The following ADGRG1 variants were observed in gnomAD, a reference collection of about 807,000 sequenced individuals.
ADGRG1 encodes 7-transmembrane protein with no EGF-like N-terminal domains-1.
Under a neutral mutation model 73.5 loss-of-function variants are expected in ADGRG1, and 53 were observed. The ratio of observed to expected loss-of-function variants is 0.72; its 90% CI spans 0.58 to 0.91. The LOEUF (loss-of-function observed/expected upper bound fraction) is 0.91, where lower values mean the gene tolerates loss of function less well. Among genes scored for constraint, ADGRG1 ranks in the 40% least tolerant of loss-of-function variants. The pLI is 0.00. For missense variants in ADGRG1, 795 were observed against 871.8 expected (o/e 0.91, Z 1.11); for synonymous variants, 394 against 374.4 (o/e 1.05, Z -0.60).
Position 57,663,537 on chromosome 16 carries a change from C to T in ADGRG1, c.2019C>T (p.Ala673=). ...CTCTGAAGAGCAACTCAGACAGCGC[C>T]AGGCTCCCCATCAGCTCGGGCAGCA... ...PSPLKSNSDS[A]RLPISSGSTS... The change falls in exon 14 of 14, where the codon GCC becomes GCT. Residue 673 remains alanine (A), a synonymous_variant. Coordinates refer to ENST00000562631, the MANE Select transcript of ADGRG1 (RefSeq NM_201525.4). The T allele has an allele frequency of 6.2e-7, 1 of 1,613,938 alleles. No individual in the cohort carries two copies. The highest frequency in any genetic ancestry group is 8.5e-7 in the Non-Finnish European group (1 of 1,179,980).
chr16:57,659,465 G>A lies in ADGRG1; in HGVS notation c.1339G>A (p.Val447Ile), dbSNP rs202092636. 2.6e-5 allele frequency: 42 copies of A among 1,613,782 alleles called. No homozygotes were observed. The highest frequency in any genetic ancestry group is 1.9e-4 in the African/African-American group (14 of 75,034). ...IKVHMNLLLA[V>I]FLLDTSFLLS... ...GGTGCACATGAACCTGCTGCTGGCC[G>A]TCTTCCTGCTGGACACGAGCTTCCT... Residue 447 changes from valine (V) to isoleucine (I), a missense_variant, in exon 11 of 14, where the codon GTC becomes ATC. Transcript: ENST00000562631.
chr16:57,659,431 C>T lies in ADGRG1; in HGVS notation c.1305C>T (p.Tyr435=). 6.2e-7 allele frequency: 1 copy of T among 1,613,876 alleles called. No homozygotes were observed. Among genetic ancestry groups the T allele is most frequent in the Non-Finnish European group, 8.5e-7 (1 of 1,179,980 alleles). Residue 435 remains tyrosine, a synonymous_variant, in exon 11 of 14, where the codon TAC becomes TAT. Transcript: ENST00000562631. ...YLCSRRKPRD[Y]TIKVHMNLLL... ...CGTGCAGGAGGAAACCTCGGGACTA[C>T]ACCATCAAGGTGCACATGAACCTGC...
rs1215919321 is a variant in ADGRG1, at chr16:57,641,149, A to G, written c.-35-9104A>G. 1.5e-5 allele frequency: 12 copies of G among 819,578 alleles called. No individual in the cohort carries two copies. The African/African-American group carries it at 1.9e-4, about 13-fold the overall frequency. The allele number at this position is 819,578 out of a possible 1,614,324, so 50.8% of individuals were successfully genotyped here. A position where few individuals can be genotyped will look rare whatever the true frequency, so the allele number is the denominator to read the frequency against. ...CTGCAGAGAAGGCAGTCAGGGGACA[A>G]ACATCAGAGTTGCCCACTTGACAGA... On this transcript the variant is annotated intron_variant, in intron 1 of 13. Coordinates refer to ENST00000562631, the MANE Select transcript of ADGRG1 (RefSeq NM_201525.4).
chr16:57,651,138 C>A (rs759264019), intron 2 of ADGRG1, 62 bp from the exon 3 acceptor site: 5 of 1,609,926 alleles, frequency 3.1e-6, no homozygotes, highest in Middle Eastern at 1.7e-4. Context: ...AGGTCCTGTC[C>A]CCTTCCATGC....
chr16:57,654,701 G>A (rs2045169299), intron 5 of ADGRG1, among the ~76,000 whole-genome samples: 1 of 152,018 alleles, frequency 6.6e-6, no homozygotes, highest in East Asian at 1.9e-4. Context: ...CCAACATGGT[G>A]AAACCCTGTC....
rs377590979 is a variant in ADGRG1 at position 57,653,215 on chromosome 16, C to T, written c.500C>T (p.Thr167Met). The part of the protein sequence containing the change: ...FTFSFHSPPH[T>M]AAHNASVDMC... ...ACCCCTCCCCCAGGTCCTCCCCACA[C>T]GGCCGCTCACAATGCCTCGGTGGAC... The change falls in exon 4 of 14, where the codon ACG becomes ATG. Residue 167 changes from threonine (T) to methionine (M), a missense_variant. Thr to Met is a moderately conservative substitution (Grantham distance 81, BLOSUM62 -1). Coordinates refer to ENST00000562631, the MANE Select transcript of ADGRG1 (RefSeq NM_201525.4). The T allele has an allele frequency of 7.5e-6, 12 of 1,609,658 alleles. No homozygotes were observed. The highest frequency in any genetic ancestry group is 4.4e-5 in the South Asian group (4 of 91,080).
At chr16:57,653,633 G>C in intron 4 of ADGRG1, 1 of 957,630 alleles carries the variant, frequency 1.0e-6, no homozygotes, top group Non-Finnish European at 1.2e-6. Context: ...CGGCAGAGCC[G>C]CTCCAAGGCC....
rs2045486379 is a variant in ADGRG1, at chr16:57,655,512, C to T, written c.882C>T (p.Ser294=). 6.2e-7 allele frequency: 1 copy of T among 1,613,902 alleles called. No homozygotes were observed. Among genetic ancestry groups the T allele is most frequent in the African/African-American group, 1.3e-5 (1 of 75,056 alleles). The change falls in exon 6 of 14, where the codon AGC becomes AGT. Residue 294 remains serine (S), a synonymous_variant. Coordinates refer to ENST00000562631, the MANE Select transcript of ADGRG1 (RefSeq NM_201525.4). ...AEKRLLLVDF[S]SQALFQDKNS... ...AGAGACTCCTCCTGGTGGACTTCAG[C>T]AGCCAAGCCCTGTTCCAGGTATGGG...
rs546489684 is a variant in ADGRG1 at position 57,662,040 on chromosome 16, G to A, written c.1933+75G>A. The A allele has an allele frequency of 9.5e-5, 118 of 1,248,464 alleles. No homozygotes were observed. In the East Asian group the frequency reaches 2.5e-3, roughly 26 times the overall value. 77.3% of individuals were successfully genotyped at this position (1,248,464 alleles called of 1,614,324 possible). On this transcript the variant is annotated intron_variant, in intron 13 of 13. Transcript: ENST00000562631. ...GCAAGGGCAGGGAAGAGATCACCCA[G>A]GGAACCTGAAGACTTCCCTTCTCTG...
chr16:57,662,037 C>G, intron 13 of ADGRG1, 72 bp downstream of exon 13: 2 of 1,256,750 alleles, frequency 1.6e-6, no homozygotes, highest in Non-Finnish European at 2.3e-6. Context: ...AAGAGATCAC[C>G]CAGGGAACCT....
chr16:57,642,222 C>T (rs1465481704), intron 1 of ADGRG1: 30 of 985,304 alleles, frequency 3.0e-5, no homozygotes, highest in Middle Eastern at 5.2e-4. Context: ...TGGGACAGGC[C>T]TGGCAGTGCC....
intron 1 of ADGRG1, chr16:57,630,389 C>T (rs774261818): frequency 1.2e-5 from 12 of 985,610 alleles, no homozygotes; most frequent in African/African-American, 1.7e-5. Context: ...TGCAGGGACC[C>T]GAGATATGCA....
At chr16:57,630,435 C>A in intron 1 of ADGRG1, 1 of 985,810 alleles carries the variant, frequency 1.0e-6, no homozygotes, top group Non-Finnish European at 1.2e-6. Flanking sequence ...GGCCCCCTTG[C>A]CCTTCCTCTC....
rs185045918 is a variant in ADGRG1 at position 57,633,336 on chromosome 16, G to A, written c.-36+4534G>A. 8,446 of 985,132 alleles carry A rather than the reference G, an allele frequency of 8.6e-3. 53 individuals are homozygous for A. Among genetic ancestry groups the A allele is most frequent in the Non-Finnish European group, 9.8e-3 (8,118 of 829,668 alleles). 61.0% of individuals were successfully genotyped at this position (985,132 alleles called of 1,614,324 possible). On this transcript the variant is annotated intron_variant, in intron 1 of 13. Transcript: ENST00000562631. ...GCTCAAATCCTTGAAAAATGACTTA[G>A]AGCAAGCGGCTGAATTTCTCACAAC...
In ADGRG1 at chr16:57,642,304, G is replaced by A. The variant is rs2041041249; in HGVS notation, c.-35-7949G>A. 5.1e-6 allele frequency: 5 copies of A among 985,380 alleles called. No individual in the cohort carries two copies. The South Asian group carries it at 1.4e-4, about 28-fold the overall frequency. 61.0% of individuals were successfully genotyped at this position (985,380 alleles called of 1,614,324 possible). ...GCCTGAATATACCCCAGGCTCACCA[G>A]GGACCTCTTTCCTGGAAGTGTCAGG... is the stretch of plus-strand genomic sequence containing the variant. On this transcript the variant is annotated intron_variant, in intron 1 of 13. Transcript: ENST00000562631.
At chr16:57,655,837 C>A (rs1486466085) in intron 6 of ADGRG1, 39 bp from the exon 7 acceptor site, 4 of 1,613,764 alleles carry the variant, frequency 2.5e-6, no homozygotes, top group Non-Finnish European at 3.4e-6. Flanking sequence ...CAGTCCTGAA[C>A]TCCCTCCCTA....
Position 57,663,496 on chromosome 16 carries a change from C to T in ADGRG1, c.1978C>T (p.Arg660Trp), listed in dbSNP as rs777803292. 4.3e-6 allele frequency: 7 copies of T among 1,613,830 alleles called. No homozygotes were observed. The African/African-American group carries it at 5.3e-5, about 12-fold the overall frequency. ...IWYWSMRLQA[R>W]GGPSPLKSNS... ...GTACTGGTCCATGCGGCTGCAGGCCCGGGGTGGCCCCTCCCCTCTGAAGAG... is the reference window on the plus strand; with the variant it reads ...GTACTGGTCCATGCGGCTGCAGGCCTGGGGTGGCCCCTCCCCTCTGAAGAG... The change falls in exon 14 of 14, where the codon CGG becomes TGG. Residue 660 changes from arginine (R) to tryptophan (W), a missense_variant. Transcript: ENST00000562631.
intron 1 of ADGRG1, among the ~76,000 whole-genome samples, chr16:57,649,048 ATAG>A (rs1402677439): frequency 1.6e-4 from 24 of 152,186 alleles, no homozygotes; most frequent in African/African-American, 5.3e-4. Flanking sequence ...AGGCTGGCAG[ATAG>A]TAGCCGCTCA....
intron 1 of ADGRG1, chr16:57,636,251 TC>T (rs2147517818): frequency 1.0e-6 from 1 of 985,128 alleles, no homozygotes; most frequent in East Asian, 1.1e-4. Context: ...AGAGAGAAAA[TC>T]CAAGGTTCAG....
Sources: allele counts gnomAD v4.1 joint callset (sites outside exome capture counted in the v4.1 genomes callset), GRCh38; gene constraint gnomAD v4.1.1; transcripts MANE v1.5; gene names NCBI Gene and HGNC (gene_info 2026-07-23, HGNC 2026-07-21).